Variants in OTUD7A observed in about 807,000 individuals in gnomAD.
OTUD7A encodes OTU deubiquitinase 7A, also known as OTU domain-containing protein 7A.
A neutral mutation model predicts 65.7 loss-of-function variants in OTUD7A; 12 were observed. The ratio of observed to expected loss-of-function variants is 0.18; its 90% CI spans 0.12 to 0.30. OTUD7A has a LOEUF of 0.30. Among genes scored for constraint, OTUD7A ranks in the 10% least tolerant of loss-of-function variants. OTUD7A has a pLI of 1.00. For missense variants in OTUD7A, 1,148 were observed against 1,304.8 expected (o/e 0.88, Z 1.85); for synonymous variants, 641 against 586.3 (o/e 1.09, Z -1.35).
In OTUD7A at chr15:31,484,089, C is replaced by T. The variant is rs777711165; in HGVS notation, c.2007G>A (p.Gln669=). 34 of 1,599,420 alleles carry T rather than the reference C, an allele frequency of 2.1e-5. No individual in the cohort carries two copies. Among genetic ancestry groups the T allele is most frequent in the African/African-American group, 1.3e-4 (10 of 74,760 alleles). The change falls in exon 13 of 13, where the codon CAG becomes CAA. Residue 669 remains glutamine, a synonymous_variant. Coordinates refer to ENST00000307050, the MANE Select transcript of OTUD7A (RefSeq NM_001382637.1). The surrounding 1 kb of genome is among the most constrained non-coding windows in gnomAD (Gnocchi z 4.5). ...GCTCCTGCTCGGCGCTGAAGCGCTC[C>T]TGCGCGCTCGTCAGGTAGTAGCCGA... ...EMIGYYLTSA[Q]ERFSAEQEQR...
In OTUD7A at chr15:31,774,029, T is replaced by C. The variant is rs1044932200; in HGVS notation, c.-100+96478A>G. Among the ~76,000 whole-genome samples, 5 of 152,286 alleles carry C rather than the reference T, an allele frequency of 3.3e-5. No homozygotes were observed. The South Asian group carries it at 8.3e-4, about 25-fold the overall frequency. On this transcript the variant is annotated intron_variant, in intron 1 of 12. Transcript: ENST00000307050. ...AGCTAATGGCACAGTGGGTAAAAAG[T>C]AAAAACAAGGCTATCTGAAGACATG...
At chr15:31,756,429 T>C (rs1262582409) in intron 1 of OTUD7A, among the ~76,000 whole-genome samples, 1 of 152,220 alleles carries the variant, frequency 6.6e-6, no homozygotes. Context: ...TAAGACAGTC[T>C]TGCCACTGTG....
At chr15:31,861,900 C>A (rs529390505) in intron 1 of OTUD7A, among the ~76,000 whole-genome samples, 1 of 152,174 alleles carries the variant, frequency 6.6e-6, no homozygotes, top group Non-Finnish European at 1.5e-5. Context: ...GCACAGACAC[C>A]CCTGTGTCCT....
chr15:31,723,901 G>C (rs1390564033), intron 1 of OTUD7A, among the ~76,000 whole-genome samples: 1 of 93,938 alleles, frequency 1.1e-5, no homozygotes, highest in Non-Finnish European at 2.1e-5. Context: ...TCACTAGCCA[G>C]GTGAGTGCCG....
Position 31,840,457 on chromosome 15 carries a change from T to A in OTUD7A, c.-100+30050A>T, listed in dbSNP as rs567124321. 5.3e-3 allele frequency among the ~76,000 whole-genome samples: 810 copies of A among 151,480 alleles called. 6 individuals are homozygous for A. Among genetic ancestry groups the A allele is most frequent in the Non-Finnish European group, 8.7e-3 (589 of 67,842 alleles). On this transcript the variant is annotated intron_variant, in intron 1 of 12. Transcript: ENST00000307050. ...CGTCTCAAAAATTAAAAAATAAAAA[T>A]AAAAATAAAAAATAAAATTGAAGCT...
At chr15:31,512,039 G>A (rs1484430712) in intron 8 of OTUD7A, among the ~76,000 whole-genome samples, 1 of 152,070 alleles carries the variant, frequency 6.6e-6, no homozygotes, top group African/African-American at 2.4e-5. Flanking sequence ...CTAGTCCTAA[G>A]GAATGTTTTA....
chr15:31,635,547 C>A (rs1891314757), intron 3 of OTUD7A, among the ~76,000 whole-genome samples: 1 of 152,222 alleles, frequency 6.6e-6, no homozygotes. Context: ...CTGAGGATGG[C>A]ACCTGGTGCT....
Position 31,483,485 on chromosome 15 carries a change from A to C in OTUD7A, c.2611T>G (p.Phe871Val). 1.4e-6 allele frequency: 2 copies of C among 1,394,254 alleles called. No individual in the cohort carries two copies. Among genetic ancestry groups the C allele is most frequent in the Non-Finnish European group, 1.9e-6 (2 of 1,073,264 alleles). The allele number at this position is 1,394,254 out of a possible 1,614,324, so 86.4% of individuals were successfully genotyped here. Residue 871 changes from phenylalanine (F) to valine (V), a missense_variant, in exon 13 of 13, where the codon TTC becomes GTC. Phe to Val is a conservative substitution (Grantham distance 50). Around this residue, in one of 6 missense-constraint regions of OTUD7A, gnomAD observed 842 missense variants for 769.5 expected, o/e 1.09. Coordinates refer to ENST00000307050, the MANE Select transcript of OTUD7A (RefSeq NM_001382637.1). ...GFGALRDGLE[F>V]ADADAPTARS... ...GCGGTCGGCGCGTCGGCGTCGGCGA[A>C]CTCCAGGCCGTCGCGCAGGGCGCCG...
In OTUD7A at chr15:31,479,660, G is replaced by GT. The variant is rs1392579378; in HGVS notation, c.*3633dup. The GT allele has an allele frequency of 1.1e-4, 13 of 123,616 alleles. No individual in the cohort carries two copies. The South Asian group carries it at 2.1e-3, about 20-fold the overall frequency. 7.7% of individuals were successfully genotyped at this position (123,616 alleles called of 1,614,324 possible). On this transcript the variant is annotated 3_prime_UTR_variant, in exon 13 of 13. Coordinates refer to ENST00000307050, the MANE Select transcript of OTUD7A (RefSeq NM_001382637.1). ...CGCAAAATAAGTTTGTGGACACTAAGTGGGGGGGGGGGGTGATGGGCCCAT... is the reference window on the plus strand; with the variant it reads ...CGCAAAATAAGTTTGTGGACACTAAGTTGGGGGGGGGGGGTGATGGGCCCAT...
intron 1 of OTUD7A, among the ~76,000 whole-genome samples, chr15:31,807,902 C>T (rs1003375405): frequency 1.3e-5 from 2 of 151,950 alleles, no homozygotes; most frequent in Admixed American, 6.6e-5. Flanking sequence ...TTGAGAGAGC[C>T]GCTGTTACCA....
chr15:31,530,737 C>T lies in OTUD7A; in HGVS notation c.622G>A (p.Gly208Arg). 2 of 1,614,192 alleles carry T rather than the reference C, an allele frequency of 1.2e-6. No homozygotes were observed. Reference sequence around the variant, plus strand: ...GAAGCAGCATGTAAAAGGCAGTTCCCATCCCCTGTTGTGGCCAGAGGAAGA... The same window carrying T: ...GAAGCAGCATGTAAAAGGCAGTTCCTATCCCCTGTTGTGGCCAGAGGAAGA... The part of the protein sequence containing the change: ...RLLPLATTGD[G>R]NCLLHAASLG... The change falls in exon 6 of 13, where the codon GGG becomes AGG. Residue 208 changes from glycine to arginine, a missense_variant. By Grantham distance (125) the Gly-to-Arg change is moderately radical (BLOSUM62 -2). Coordinates refer to ENST00000307050, the MANE Select transcript of OTUD7A (RefSeq NM_001382637.1).
chr15:31,866,758 A>C (rs1897886562), intron 1 of OTUD7A, among the ~76,000 whole-genome samples: 1 of 152,224 alleles, frequency 6.6e-6, no homozygotes, highest in African/African-American at 2.4e-5. Flanking sequence ...TTTTACATGT[A>C]GTGGCGCTTC....
rs563140129 is a variant in OTUD7A, at chr15:31,500,756, C to T, written c.1171+934G>A. On this transcript the variant is annotated intron_variant, in intron 10 of 12. Coordinates refer to ENST00000307050, the MANE Select transcript of OTUD7A (RefSeq NM_001382637.1). ...CAGACACCCCTGAGCTTCCTTCCCCCTGTTGGCCCTGGACAGGGCACTTCC... is the reference window on the plus strand; with the variant it reads ...CAGACACCCCTGAGCTTCCTTCCCCTTGTTGGCCCTGGACAGGGCACTTCC... Among the ~76,000 whole-genome samples, 4 of 152,380 alleles carry T rather than the reference C, an allele frequency of 2.6e-5. No individual in the cohort carries two copies. The South Asian group carries it at 8.3e-4, about 32-fold the overall frequency.
chr15:31,489,948 G>A (rs1310144051), intron 10 of OTUD7A, among the ~76,000 whole-genome samples: 2 of 152,230 alleles, frequency 1.3e-5, no homozygotes, highest in East Asian at 3.8e-4. Flanking sequence ...GGGGTGAAGG[G>A]CCAGGTACTG....
At chr15:31,632,001 T>TC (rs911713685) in intron 3 of OTUD7A, among the ~76,000 whole-genome samples, 1 of 152,176 alleles carries the variant, frequency 6.6e-6, no homozygotes, top group African/African-American at 2.4e-5. Flanking sequence ...TAGTTTTTTT[T>TC]CAAAGTTTTT....
At chr15:31,842,226 G>T (rs757813408) in intron 1 of OTUD7A, among the ~76,000 whole-genome samples, 4 of 152,250 alleles carry the variant, frequency 2.6e-5, no homozygotes, top group Non-Finnish European at 5.9e-5. Context: ...GTGACCCCAG[G>T]GGGGTATGAG....
At chr15:31,849,155 C>T (rs1469063523) in intron 1 of OTUD7A, among the ~76,000 whole-genome samples, 1 of 152,166 alleles carries the variant, frequency 6.6e-6, no homozygotes, top group South Asian at 2.1e-4. Flanking sequence ...TTGAACTACA[C>T]TACAAGGCTA....
At position 31,511,016 on chromosome 15, in the gene OTUD7A, T is replaced by C. The variant is rs1393099149; in HGVS notation, c.894-7198A>G. Among the ~76,000 whole-genome samples the C allele has an allele frequency of 1.3e-4, 3 of 22,574 alleles. 1 individual carries two copies. The highest frequency in any genetic ancestry group is 4.0e-3 in the East Asian group (2 of 496). The allele number at this position is 22,574 out of a possible 152,430, so 14.8% of individuals were successfully genotyped here. On this transcript the variant is annotated intron_variant, in intron 8 of 12. Transcript: ENST00000307050. ...AACATATGTATATCTATATGTAACA[T>C]ACATGTATATCTATATGTAACATAC...
intron 8 of OTUD7A, among the ~76,000 whole-genome samples, chr15:31,513,091 G>A (rs1038753706): frequency 8.5e-5 from 13 of 152,108 alleles, no homozygotes; most frequent in African/African-American, 2.7e-4. Context: ...GGCTGGTCTC[G>A]AACTCCTGGC....
Sources: allele counts gnomAD v4.1 joint callset (sites outside exome capture counted in the v4.1 genomes callset), GRCh38; gene constraint gnomAD v4.1.1; regional missense constraint gnomAD v4.1.1; non-coding constraint Gnocchi (gnomAD v3.1); transcripts MANE v1.5; gene names NCBI Gene and HGNC (gene_info 2026-07-23, HGNC 2026-07-21).